Variants in RANBP17 observed in about 807,000 individuals in gnomAD.
RANBP17 encodes the protein RAN binding protein 17, also known as ran-binding protein 17.
A neutral mutation model predicts 141.2 loss-of-function variants in RANBP17; 158 were observed. The observed-to-expected ratio is 1.12, with a 90% CI of 0.98 to 1.28. The LOEUF (loss-of-function observed/expected upper bound fraction) is 1.28. Ranked by LOEUF, RANBP17 falls within the 50% of genes most tolerant of loss-of-function variation. The pLI is 0.00. For missense variants in RANBP17, 1,438 were observed against 1,290.7 expected (o/e 1.11, Z -1.75); for synonymous variants, 430 against 450.0 (o/e 0.96, Z 0.56).
chr5:170,956,159 G>A (rs1191754380), intron 13 of RANBP17, among the ~76,000 whole-genome samples: 1 of 151,464 alleles, frequency 6.6e-6, no homozygotes, highest in Non-Finnish European at 1.5e-5. Context: ...ATTTGAAGTG[G>A]CACTTATATC....
intron 14 of RANBP17, among the ~76,000 whole-genome samples, chr5:171,083,663 G>C (rs921545955): frequency 3.3e-5 from 5 of 152,174 alleles, no homozygotes; most frequent in Non-Finnish European, 5.9e-5. Context: ...ATATGGTGTG[G>C]CTGTGTCCCC....
intron 18 of RANBP17, among the ~76,000 whole-genome samples, chr5:171,186,175 C>G (rs900569380): frequency 6.6e-6 from 1 of 152,184 alleles, no homozygotes; most frequent in Non-Finnish European, 1.5e-5. Flanking sequence ...AGCTTTGAAG[C>G]CAGACATTGA....
chr5:171,099,549 C>G (rs1471644968), intron 14 of RANBP17, among the ~76,000 whole-genome samples: 5 of 152,118 alleles, frequency 3.3e-5, no homozygotes, highest in African/African-American at 9.7e-5. Context: ...CATCTGCAAA[C>G]AAAGATAATT....
chr5:171,087,539 G>A (rs1420967227), intron 14 of RANBP17, among the ~76,000 whole-genome samples: 1 of 151,930 alleles, frequency 6.6e-6, no homozygotes, highest in African/African-American at 2.4e-5. Context: ...CTGTCTTGTT[G>A]ATCTGTCTAA....
chr5:171,163,899 C>G (rs1469825229), intron 14 of RANBP17, among the ~76,000 whole-genome samples: 2 of 152,134 alleles, frequency 1.3e-5, no homozygotes, highest in Non-Finnish European at 2.9e-5. Context: ...CCTGCTTAAA[C>G]AATGCACTAA....
intron 25 of RANBP17, among the ~76,000 whole-genome samples, chr5:171,285,065 C>T (rs972337688): frequency 1.3e-5 from 2 of 152,220 alleles, no homozygotes; most frequent in African/African-American, 4.8e-5. Context: ...TTTCAAAAAC[C>T]TCCTGTGCAT....
At chr5:171,050,160 T>C (rs927330501) in intron 14 of RANBP17, among the ~76,000 whole-genome samples, 2 of 152,182 alleles carry the variant, frequency 1.3e-5, no homozygotes, top group Admixed American at 6.5e-5. Context: ...CTCTGATTTT[T>C]CCTTCTTGCT....
chr5:171,265,460 G>A (rs1766607324), intron 24 of RANBP17, among the ~76,000 whole-genome samples: 1 of 152,172 alleles, frequency 6.6e-6, no homozygotes, highest in East Asian at 1.9e-4. Context: ...AACCCAGGAG[G>A]CAGAGGTTGC....
intron 14 of RANBP17, among the ~76,000 whole-genome samples, chr5:171,155,255 A>G (rs1758819906): frequency 6.6e-6 from 1 of 151,490 alleles, no homozygotes; most frequent in Non-Finnish European, 1.5e-5. Flanking sequence ...CCAGCCAAAA[A>G]GAGGATAATC....
chr5:171,154,552 T>C (rs1316391025), intron 14 of RANBP17, among the ~76,000 whole-genome samples: 1 of 152,168 alleles, frequency 6.6e-6, no homozygotes, highest in Non-Finnish European at 1.5e-5. Context: ...AATGCTGGGA[T>C]TACAGGTGTG....
chr5:170,883,599 A>G (rs1592848), intron 3 of RANBP17, among the ~76,000 whole-genome samples: 91,504 of 151,990 alleles, frequency 0.6, 29,261 homozygotes, highest in South Asian at 0.89. Flanking sequence ...TTCTCTGCCT[A>G]TTCATCCCAC....
chr5:171,072,365 T>G (rs1447279297), intron 14 of RANBP17, among the ~76,000 whole-genome samples: 1 of 151,996 alleles, frequency 6.6e-6, no homozygotes, highest in African/African-American at 2.4e-5. Context: ...GATAGTAAAT[T>G]TGTATTGTTT....
At chr5:171,043,423 G>T (rs1235072855) in intron 14 of RANBP17, among the ~76,000 whole-genome samples, 1 of 152,022 alleles carries the variant, frequency 6.6e-6, no homozygotes, top group Non-Finnish European at 1.5e-5. Flanking sequence ...TGCCCTTGGG[G>T]TGTCTCTCTG....
At chr5:171,283,374 A>AT (rs1158771262) in intron 25 of RANBP17, among the ~76,000 whole-genome samples, 1 of 152,206 alleles carries the variant, frequency 6.6e-6, no homozygotes, top group East Asian at 1.9e-4. Flanking sequence ...TAAATGAGGA[A>AT]TGAGGTTCTA....
chr5:170,949,856 T>G (rs1477489139), intron 12 of RANBP17, among the ~76,000 whole-genome samples: 1 of 152,152 alleles, frequency 6.6e-6, no homozygotes, highest in Non-Finnish European at 1.5e-5. Context: ...TGAAATGTGA[T>G]ATATCCATAG....
chr5:171,147,836 T>C (rs191351846), intron 14 of RANBP17, among the ~76,000 whole-genome samples: 14,548 of 152,140 alleles, frequency 0.096, 1,156 homozygotes, highest in African/African-American at 0.21. Flanking sequence ...CCGGCCGCCC[T>C]TACTGGGAAG....
At chr5:171,192,181 A>G (rs1416592610) in intron 18 of RANBP17, among the ~76,000 whole-genome samples, 1 of 152,210 alleles carries the variant, frequency 6.6e-6, no homozygotes, top group Non-Finnish European at 1.5e-5. Context: ...TCAATGTATC[A>G]ACTGTGTCCA....
At chr5:171,084,231 G>T (rs539234824) in intron 14 of RANBP17, among the ~76,000 whole-genome samples, 1 of 149,654 alleles carries the variant, frequency 6.7e-6, no homozygotes, top group African/African-American at 2.5e-5. Context: ...TTGTTCTTGC[G>T]ATAGTTTACT....
intron 12 of RANBP17, among the ~76,000 whole-genome samples, chr5:170,944,956 G>A (rs75425447): frequency 6.6e-6 from 1 of 152,032 alleles, no homozygotes; most frequent in African/African-American, 2.4e-5. Context: ...AAAAATTATT[G>A]ATTTTTTCCT....
Sources: gnomAD v4.1 joint callset for allele counts (sites outside exome capture counted in the v4.1 genomes callset) on GRCh38, gnomAD v4.1.1 for gene constraint, MANE v1.5 for transcripts, NCBI Gene and HGNC (gene_info 2026-07-23, HGNC 2026-07-21) for gene names.